Variants in INTS3 observed in about 807,000 individuals in gnomAD.
INTS3 encodes the protein SOSS complex subunit A.
INTS3 carries 34 observed loss-of-function variants against 146.3 expected under a neutral mutation model. That is an observed-to-expected ratio of 0.23 (90% CI 0.18 to 0.31). The LOEUF (loss-of-function observed/expected upper bound fraction) is 0.31, where lower values mean the gene tolerates loss of function less well. Ranked by LOEUF, INTS3 falls within the 10% of genes least tolerant of loss-of-function variation. INTS3 has a pLI of 1.00. For synonymous variants in INTS3, 475 were observed against 494.9 expected, an observed-to-expected ratio of 0.96 and a Z score of 0.53; for missense variants, 757 against 1,304.2, an observed-to-expected ratio of 0.58 and a Z score of 6.46.
intron 1 of INTS3, among the ~76,000 whole-genome samples, chr1:153,735,880 G>A (rs1671264325): frequency 1.3e-5 from 2 of 152,118 alleles, no homozygotes; most frequent in Non-Finnish European, 1.5e-5. Flanking sequence ...ACACGACCAT[G>A]CCTGGCTGAT....
At position 153,773,358 on chromosome 1, in the gene INTS3, G is replaced by A. The variant is rs146907401; in HGVS notation, c.*88G>A. On this transcript the variant is annotated 3_prime_UTR_variant, in exon 30 of 30. Coordinates refer to ENST00000318967, the MANE Select transcript of INTS3 (RefSeq NM_023015.5). ...TTAATAGAGGCTGAGGAGATTGCAG[G>A]GGAAACACCCTTGCTGCATCCCCAA... is the stretch of plus-strand genomic sequence containing the variant. 8.0e-7 allele frequency: 1 copy of A among 1,257,406 alleles called. No individual in the cohort carries two copies. Among genetic ancestry groups the A allele is most frequent in the African/African-American group, 1.5e-5 (1 of 67,630 alleles). The allele number at this position is 1,257,406 out of a possible 1,614,324, so 77.9% of individuals were successfully genotyped here.
At chr1:153,751,735 G>A (rs1389948373) in intron 7 of INTS3, among the ~76,000 whole-genome samples, 1 of 152,168 alleles carries the variant, frequency 6.6e-6, no homozygotes, top group East Asian at 1.9e-4. Context: ...AAAGTGTTGG[G>A]ATTATAGGCG....
At chr1:153,737,638 A>G (rs773861060) in intron 1 of INTS3, among the ~76,000 whole-genome samples, 13 of 152,092 alleles carry the variant, frequency 8.5e-5, no homozygotes, top group Non-Finnish European at 1.5e-4. Context: ...GGCTAGGACT[A>G]CAGGTGCGCG....
chr1:153,754,589 T>G, intron 8 of INTS3, 53 bp from the exon 9 acceptor site: 1 of 1,273,046 alleles, frequency 7.9e-7, no homozygotes, highest in Non-Finnish European at 1.2e-6. Context: ...TGCCTTTCAT[T>G]CTTTCTGGTC....
rs1334306673 is a variant in INTS3 at position 153,769,759 on chromosome 1, A to G, written c.2314-10A>G. On this transcript the variant is annotated splice_polypyrimidine_tract_variant and intron_variant, in intron 22 of 29. Coordinates refer to ENST00000318967, the MANE Select transcript of INTS3 (RefSeq NM_023015.5). ...CTGATGGGTTCTGCCTCCTTCCTCCACCTCCTTAGCTCCAGGAGCTGGTCT... is the reference window on the plus strand; with the variant it reads ...CTGATGGGTTCTGCCTCCTTCCTCCGCCTCCTTAGCTCCAGGAGCTGGTCT... 6.2e-7 allele frequency: 1 copy of G among 1,602,036 alleles called. No homozygotes were observed. The highest frequency in any genetic ancestry group is 1.7e-5 in the Admixed American group (1 of 59,408).
chr1:153,753,543 G>A (rs1476450916), intron 8 of INTS3, among the ~76,000 whole-genome samples: 1 of 151,150 alleles, frequency 6.6e-6, no homozygotes, highest in Non-Finnish European at 1.5e-5. Context: ...GCGACAGAGT[G>A]AGACTCTGTC....
chr1:153,728,926 CT>C, intron 1 of INTS3, 142 bp downstream of exon 1: 1 of 587,964 alleles, frequency 1.7e-6, no homozygotes, highest in Non-Finnish European at 2.9e-6. Flanking sequence ...ACTGCTCCAG[CT>C]TCCTGCTCCT....
chr1:153,762,584 G>A (rs1219863291), intron 14 of INTS3, 144 bp from the exon 15 acceptor site: 6 of 963,250 alleles, frequency 6.2e-6, no homozygotes, highest in Non-Finnish European at 9.1e-6. Flanking sequence ...TTGTCAAGAG[G>A]TTTGTCCTCC....
chr1:153,745,776 G>A (rs563431750), intron 3 of INTS3, among the ~76,000 whole-genome samples: 9 of 152,100 alleles, frequency 5.9e-5, no homozygotes, highest in Admixed American at 1.3e-4. Context: ...TTCAATAAGT[G>A]GCAGAAGGAA....
In INTS3 at chr1:153,732,319, T is replaced by C. The variant is rs139858390; in HGVS notation, c.150+3535T>C. ...ACATATGTGAGGAGTCTCCAGGGAC[T>C]GGGCTTTGAGTCACTTCTAGTTTTT... On this transcript the variant is annotated intron_variant, in intron 1 of 29. Transcript: ENST00000318967. Among the ~76,000 whole-genome samples, 337 of 152,336 alleles carry C rather than the reference T, an allele frequency of 2.2e-3. 1 individual carries two copies. Among genetic ancestry groups the C allele is most frequent in the Non-Finnish European group, 2.7e-3 (187 of 68,020 alleles).
In INTS3 at chr1:153,772,111, A is replaced by G; in HGVS notation, c.2720+148A>G. The G allele has an allele frequency of 4.0e-6, 4 of 992,282 alleles. No individual in the cohort carries two copies. The highest frequency in any genetic ancestry group is 4.4e-6 in the Non-Finnish European group (3 of 681,556). The allele number at this position is 992,282 out of a possible 1,614,324, so 61.5% of individuals were successfully genotyped here. A position where few individuals can be genotyped will look rare whatever the true frequency, so the allele number is the denominator to read the frequency against. ...GCGACATCTAGTGGTCCGAAGCCAC[A>G]TGGCATGCGAGACCACCGTGGCCCT... is the stretch of plus-strand genomic sequence containing the variant. On this transcript the variant is annotated intron_variant, in intron 26 of 29. Coordinates refer to ENST00000318967, the MANE Select transcript of INTS3 (RefSeq NM_023015.5). The surrounding 1 kb of genome is among the most constrained non-coding windows in gnomAD (Gnocchi z 4.6).
At chr1:153,759,963 T>C in intron 11 of INTS3, 2 of 487,374 alleles carry the variant, frequency 4.1e-6, no homozygotes, top group Non-Finnish European at 7.3e-6. Flanking sequence ...CTACAAGCTG[T>C]TTCGGGGCCT....
intron 13 of INTS3, chr1:153,761,144 C>T (rs1057350559): frequency 2.5e-6 from 3 of 1,177,016 alleles, no homozygotes; most frequent in Non-Finnish European, 3.4e-6. Context: ...TGTTGACCCC[C>T]TTCAGGGATC....
chr1:153,748,117 C>G (rs1270958903), intron 5 of INTS3: 2 of 156,614 alleles, frequency 1.3e-5, no homozygotes, highest in Admixed American at 1.2e-4. Flanking sequence ...CTATTTTTAT[C>G]CTCTTTCCTG....
At chr1:153,741,155 A>C (rs1671520917) in intron 2 of INTS3, 130 bp from the exon 3 acceptor site, 6 of 738,402 alleles carry the variant, frequency 8.1e-6, no homozygotes, top group Non-Finnish European at 1.4e-5. Flanking sequence ...GAAGGAAATC[A>C]TCAGATTTAA....
chr1:153,735,237 G>A (rs1187932850), intron 1 of INTS3, among the ~76,000 whole-genome samples: 2 of 152,282 alleles, frequency 1.3e-5, no homozygotes. Context: ...CTCCCAAAGC[G>A]CTGAGATTAT....
chr1:153,732,606 C>T (rs1184573201), intron 1 of INTS3, among the ~76,000 whole-genome samples: 1 of 151,994 alleles, frequency 6.6e-6, no homozygotes, highest in Non-Finnish European at 1.5e-5. Flanking sequence ...CCACCACACC[C>T]AGCTACTTTT....
In INTS3 at chr1:153,757,399, A is replaced by T. The variant is rs1352383227; in HGVS notation, c.958-173A>T. On this transcript the variant is annotated intron_variant, in intron 9 of 29. Transcript: ENST00000318967. This position sits in a 1 kb window ranked among gnomAD's most constrained non-coding sequence, Gnocchi z 4.0. Reference sequence around the variant, plus strand: ...AGAAATTTTCAGCATTTTTTTTTTAATCAAGAAGTTCTCCTAAAGGAGGGG... The same window carrying T: ...AGAAATTTTCAGCATTTTTTTTTTATTCAAGAAGTTCTCCTAAAGGAGGGG... 6.6e-6 allele frequency among the ~76,000 whole-genome samples: 1 copy of T among 152,028 alleles called. No homozygotes were observed. Among genetic ancestry groups the T allele is most frequent in the Non-Finnish European group, 1.5e-5 (1 of 67,992 alleles).
At chr1:153,770,970 GA>G (rs1391523032) in intron 25 of INTS3, among the ~76,000 whole-genome samples, 1 of 152,118 alleles carries the variant, frequency 6.6e-6, no homozygotes, top group Non-Finnish European at 1.5e-5. Flanking sequence ...GGGAGGTGGG[GA>G]CCGGACATCC....
Sources: gnomAD v4.1 joint callset for allele counts (sites outside exome capture counted in the v4.1 genomes callset) on GRCh38, gnomAD v4.1.1 for gene constraint, Gnocchi (gnomAD v3.1) non-coding constraint, MANE v1.5 for transcripts, NCBI Gene and HGNC (gene_info 2026-07-23, HGNC 2026-07-21) for gene names.